The following ERBB4 variants were observed in gnomAD, a reference collection of about 807,000 sequenced individuals.
ERBB4 encodes receptor tyrosine-protein kinase erbB-4.
A neutral mutation model predicts 158.0 loss-of-function variants in ERBB4; 42 were observed. The ratio of observed to expected loss-of-function variants is 0.27; its 90% CI spans 0.21 to 0.34. The LOEUF (loss-of-function observed/expected upper bound fraction) is 0.34. ERBB4 is among the 10% of genes least tolerant of loss of function. ERBB4 has a pLI of 1.00. For missense variants in ERBB4, 1,333 were observed against 1,624.1 expected, an observed-to-expected ratio of 0.82 and a Z score of 3.08; for synonymous variants, 583 against 558.7, an observed-to-expected ratio of 1.04 and a Z score of -0.61.
intron 20 of ERBB4, among the ~76,000 whole-genome samples, chr2:211,460,762 A>G (rs1374547510): frequency 2.0e-5 from 3 of 152,202 alleles, no homozygotes; most frequent in Non-Finnish European, 2.9e-5. Context: ...TGCATTAAAA[A>G]AAAATCAATG....
At chr2:212,025,898 G>A (rs990251949) in intron 2 of ERBB4, among the ~76,000 whole-genome samples, 10 of 151,604 alleles carry the variant, frequency 6.6e-5, no homozygotes, top group African/African-American at 1.7e-4. Flanking sequence ...TGTTATATTT[G>A]CTATATCTTA....
At chr2:211,540,652 C>A (rs2066780882) in intron 20 of ERBB4, among the ~76,000 whole-genome samples, 1 of 151,744 alleles carries the variant, frequency 6.6e-6, no homozygotes, top group Non-Finnish European at 1.5e-5. Context: ...CAACCTTTGC[C>A]TCCAGGGTTC....
chr2:211,377,032 A>C lies in ERBB4; in HGVS notation c.*6583T>G, dbSNP rs2062486784. ...TTAAAAGAACACCTTACATATCTAC[A>C]TTTAGAAAATAACTTTCGTAGTTGA... On this transcript the variant is annotated 3_prime_UTR_variant, in exon 28 of 28. Transcript: ENST00000342788. The C allele has an allele frequency of 8.6e-6, 2 of 232,988 alleles. No individual in the cohort carries two copies. The highest frequency in any genetic ancestry group is 4.4e-5 in the African/African-American group (2 of 45,284). 14.4% of individuals were successfully genotyped at this position (232,988 alleles called of 1,614,324 possible).
chr2:211,921,433 A>G (rs1408986911), intron 3 of ERBB4, among the ~76,000 whole-genome samples: 1 of 152,074 alleles, frequency 6.6e-6, no homozygotes, highest in Non-Finnish European at 1.5e-5. Flanking sequence ...GATCAAAACC[A>G]AAAACAAAGC....
intron 1 of ERBB4, among the ~76,000 whole-genome samples, chr2:212,330,895 A>C (rs2088107549): frequency 6.6e-6 from 1 of 151,130 alleles, no homozygotes. Flanking sequence ...AATGGGTAGA[A>C]TCATATATAT....
intron 20 of ERBB4, among the ~76,000 whole-genome samples, chr2:211,557,694 T>C (rs2125712860): frequency 6.6e-6 from 1 of 152,234 alleles, no homozygotes; most frequent in East Asian, 1.9e-4. Flanking sequence ...TCAACCACTA[T>C]GGAAAGCAGT....
At chr2:211,860,091 A>T (rs1270357830) in intron 3 of ERBB4, among the ~76,000 whole-genome samples, 1 of 152,170 alleles carries the variant, frequency 6.6e-6, no homozygotes, top group Non-Finnish European at 1.5e-5. Context: ...TGTCAAAATC[A>T]ATTTAATTCT....
chr2:212,433,055 G>T (rs138206054), intron 1 of ERBB4, among the ~76,000 whole-genome samples: 41 of 152,090 alleles, frequency 2.7e-4, no homozygotes, highest in Non-Finnish European at 4.1e-4. Context: ...GCTTTGGTGT[G>T]GTAGAAAAGT....
chr2:212,531,862 T>C (rs984353296), intron 1 of ERBB4, among the ~76,000 whole-genome samples: 18 of 152,222 alleles, frequency 1.2e-4, no homozygotes, highest in African/African-American at 4.3e-4. Flanking sequence ...AATCCTCTTA[T>C]AGAACGATGT....
At position 212,396,237 on chromosome 2, in the gene ERBB4, A is replaced by G. The variant is rs940386927; in HGVS notation, c.82+142212T>C. On this transcript the variant is annotated intron_variant, in intron 1 of 27. Coordinates refer to ENST00000342788, the MANE Select transcript of ERBB4 (RefSeq NM_005235.3). ...CTTATAAGATCTGGGACAAAGGTAT[A>G]TTTTGCTGGAGTCTATTAGCACATT... 2.0e-5 allele frequency among the ~76,000 whole-genome samples: 3 copies of G among 152,162 alleles called. No individual in the cohort carries two copies. In the South Asian group the frequency reaches 6.2e-4, roughly 32 times the overall value.
At chr2:211,807,047 G>T (rs1449251957) in intron 3 of ERBB4, among the ~76,000 whole-genome samples, 1 of 151,264 alleles carries the variant, frequency 6.6e-6, no homozygotes, top group Non-Finnish European at 1.5e-5. Flanking sequence ...GATAAATCAA[G>T]AAATAATTAA....
chr2:211,958,643 C>T (rs893781274), intron 2 of ERBB4, among the ~76,000 whole-genome samples: 7 of 152,018 alleles, frequency 4.6e-5, no homozygotes, highest in African/African-American at 1.7e-4. Flanking sequence ...CGCTCTTATT[C>T]CCAAGATCAA....
intron 20 of ERBB4, among the ~76,000 whole-genome samples, chr2:211,474,840 T>A (rs983402215): frequency 5.3e-5 from 8 of 151,860 alleles, no homozygotes; most frequent in African/African-American, 1.5e-4. Flanking sequence ...ATTAAGTACA[T>A]GGATGGAAGA....
intron 3 of ERBB4, among the ~76,000 whole-genome samples, chr2:211,872,415 G>A (rs1021400048): frequency 5.3e-5 from 8 of 152,194 alleles, no homozygotes; most frequent in African/African-American, 1.4e-4. Context: ...AGCAAAAGGC[G>A]GGGGTTCTTT....
In ERBB4 at chr2:211,665,397, C is replaced by A. The variant is rs2105919169; in HGVS notation, c.1797G>T (p.Gly599=). ...CVEKCPDGLQ[G]ANSFIFKYAD... ...CATACTTGAAAATGAAACTGTTTGC[C>A]CCCTGTAAGCCATCTGGACATTTTT... Residue 599 remains glycine (G), a synonymous_variant, in exon 15 of 28, where the codon GGG becomes GGT. Transcript: ENST00000342788. 6.2e-7 allele frequency: 1 copy of A among 1,614,012 alleles called. No individual in the cohort carries two copies. Among genetic ancestry groups the A allele is most frequent in the East Asian group, 2.2e-5 (1 of 44,876 alleles).
intron 1 of ERBB4, among the ~76,000 whole-genome samples, chr2:212,428,687 T>G (rs1195426085): frequency 6.6e-6 from 1 of 152,084 alleles, no homozygotes; most frequent in Admixed American, 6.6e-5. Context: ...CACAATAAAA[T>G]AAAATTTAAA....
chr2:212,437,452 A>G (rs1226242448), intron 1 of ERBB4, among the ~76,000 whole-genome samples: 1 of 151,640 alleles, frequency 6.6e-6, no homozygotes, highest in Non-Finnish European at 1.5e-5. Context: ...AGGAAGTGAT[A>G]AGCCTTTTAA....
chr2:212,132,705 G>T, intron 1 of ERBB4, among the ~76,000 whole-genome samples: 1 of 152,218 alleles, frequency 6.6e-6, no homozygotes, highest in Non-Finnish European at 1.5e-5. Flanking sequence ...GCAGATGGCA[G>T]ATTGTGAGAC....
At chr2:211,772,735 T>C (rs1406580766) in intron 4 of ERBB4, among the ~76,000 whole-genome samples, 4 of 144,594 alleles carry the variant, frequency 2.8e-5, no homozygotes, top group African/African-American at 7.7e-5. Flanking sequence ...AGTCTTGACC[T>C]CCTGGACTTA....
Sources: gnomAD v4.1 joint callset for allele counts (sites outside exome capture counted in the v4.1 genomes callset) on GRCh38, gnomAD v4.1.1 for gene constraint, MANE v1.5 for transcripts, NCBI Gene and HGNC (gene_info 2026-07-23, HGNC 2026-07-21) for gene names.